Variants in FBXO36 observed in about 807,000 individuals in gnomAD.
The protein encoded by FBXO36 is F-box only protein 36.
Under a neutral mutation model 17.0 loss-of-function variants are expected in FBXO36, and 18 were observed. The observed-to-expected ratio is 1.06, with a 90% confidence interval of 0.73 to 1.57. The LOEUF (loss-of-function observed/expected upper bound fraction) is 1.57, where lower values mean the gene tolerates loss of function less well. FBXO36 is among the 40% of genes most tolerant of loss of function. The probability of loss-of-function intolerance (pLI) is 0.00; values close to 1 mark genes in which losing one functional copy is unlikely to be tolerated. For synonymous variants in FBXO36, 83 were observed against 85.3 expected (o/e 0.97, Z 0.15); for missense variants, 229 against 221.9 (o/e 1.03, Z -0.20).
At chr2:229,941,454 CA>C (rs900428508) in intron 1 of FBXO36, among the ~76,000 whole-genome samples, 1 of 149,904 alleles carries the variant, frequency 6.7e-6, no homozygotes. Flanking sequence ...GACTCCGTCT[CA>C]AAAAAAACAA....
At chr2:230,001,921 G>T (rs763645345) in intron 3 of FBXO36, among the ~76,000 whole-genome samples, 1 of 152,114 alleles carries the variant, frequency 6.6e-6, no homozygotes, top group African/African-American at 2.4e-5. Flanking sequence ...AGGTTCAAGC[G>T]ATTCTCATGC....
At chr2:229,951,986 T>A (rs754190760) in intron 1 of FBXO36, among the ~76,000 whole-genome samples, 1 of 152,148 alleles carries the variant, frequency 6.6e-6, no homozygotes, top group Non-Finnish European at 1.5e-5. Flanking sequence ...GGCTATAACT[T>A]GGTGAAAAAA....
intron 3 of FBXO36, among the ~76,000 whole-genome samples, chr2:230,003,164 C>G (rs564062682): frequency 1.4e-5 from 2 of 144,150 alleles, no homozygotes; most frequent in Non-Finnish European, 3.0e-5. Flanking sequence ...GACCCAAGAT[C>G]GGGCCACCGC....
At chr2:229,965,895 G>GT (rs1313428909) in intron 1 of FBXO36, among the ~76,000 whole-genome samples, 2 of 152,298 alleles carry the variant, frequency 1.3e-5, no homozygotes, top group East Asian at 3.9e-4. Context: ...TATATACCCA[G>GT]TAATGGGATG....
intron 2 of FBXO36, among the ~76,000 whole-genome samples, chr2:229,988,523 T>G (rs2077280674): frequency 6.6e-6 from 1 of 152,090 alleles, no homozygotes; most frequent in Admixed American, 6.6e-5. Context: ...TGTTTTGTTT[T>G]GTTTTTGTTT....
chr2:229,945,463 C>T lies in FBXO36; in HGVS notation c.96+22854C>T, dbSNP rs528239778. On this transcript the variant is annotated intron_variant, in intron 1 of 3. Coordinates refer to ENST00000283946, the MANE Select transcript of FBXO36 (RefSeq NM_174899.5). The stretch of plus-strand genomic sequence containing the variant: ...CTGGGAGTACAGGTGCCCGCCACCA[C>T]GCCTGGCTAATTTTTGTATTTTTGA... Among the ~76,000 whole-genome samples the T allele has an allele frequency of 5.3e-5, 8 of 152,096 alleles. No individual in the cohort carries two copies. The South Asian group carries it at 1.7e-3, about 32-fold the overall frequency.
chr2:229,976,226 T>C lies in FBXO36; in HGVS notation c.97-15T>C, dbSNP rs199634244. 36 of 1,560,990 alleles carry C rather than the reference T, an allele frequency of 2.3e-5. No homozygotes were observed. Among genetic ancestry groups the C allele is most frequent in the African/African-American group, 5.5e-5 (4 of 72,786 alleles). Reference sequence around the variant, plus strand: ...AAATCAATTTTAATTCATATCACTTTGTATTTAATTATAGGTAATCTTTAG... The same window carrying C: ...AAATCAATTTTAATTCATATCACTTCGTATTTAATTATAGGTAATCTTTAG... On this transcript the variant is annotated splice_polypyrimidine_tract_variant and intron_variant, in intron 1 of 3. Coordinates refer to ENST00000283946, the MANE Select transcript of FBXO36 (RefSeq NM_174899.5).
rs759193158 is a variant in FBXO36, at chr2:229,922,646, C to T, written c.96+37C>T. 206 of 1,604,210 alleles carry T rather than the reference C, an allele frequency of 1.3e-4. No individual in the cohort carries two copies. In the Admixed American group the frequency reaches 1.5e-3, roughly 12 times the overall value. ...CCGCGGTTTACCCTCTCTCCTAACT[C>T]CCTACCTGGCCCGGTTGGGGCCCGG... On this transcript the variant is annotated intron_variant, in intron 1 of 3. Coordinates refer to ENST00000283946, the MANE Select transcript of FBXO36 (RefSeq NM_174899.5).
intron 1 of FBXO36, among the ~76,000 whole-genome samples, chr2:229,960,503 G>A (rs1162875970): frequency 1.3e-5 from 2 of 151,426 alleles, no homozygotes; most frequent in South Asian, 2.1e-4. Flanking sequence ...GGGGGGCGGT[G>A]GTGTTGGGAT....
At position 229,961,116 on chromosome 2, in the gene FBXO36, A is replaced by C. The variant is rs572956737; in HGVS notation, c.97-15125A>C. 1.2e-4 allele frequency among the ~76,000 whole-genome samples: 18 copies of C among 152,234 alleles called. 1 individual carries two copies. In the South Asian group the frequency reaches 2.9e-3, roughly 25 times the overall value. Reference sequence around the variant, plus strand: ...AGAGCGAGACTCCATCTCAAAAAAAAAAAATAAATTTATTCCTTTTAGATG... The same window carrying C: ...AGAGCGAGACTCCATCTCAAAAAAACAAAATAAATTTATTCCTTTTAGATG... On this transcript the variant is annotated intron_variant, in intron 1 of 3. Coordinates refer to ENST00000283946, the MANE Select transcript of FBXO36 (RefSeq NM_174899.5).
chr2:229,952,106 G>A (rs961846579), intron 1 of FBXO36, among the ~76,000 whole-genome samples: 17 of 151,518 alleles, frequency 1.1e-4, no homozygotes, highest in African/African-American at 3.9e-4. Flanking sequence ...TTTTTTTTAG[G>A]CATTGCTTTA....
At chr2:230,008,697 T>A (rs2077400012) in intron 3 of FBXO36, among the ~76,000 whole-genome samples, 1 of 152,188 alleles carries the variant, frequency 6.6e-6, no homozygotes, top group Non-Finnish European at 1.5e-5. Context: ...GGGATAGTAA[T>A]CCACATTGGT....
intron 3 of FBXO36, among the ~76,000 whole-genome samples, chr2:230,002,039 C>T (rs563114158): frequency 4.0e-4 from 61 of 151,866 alleles, no homozygotes; most frequent in African/African-American, 1.3e-3. Context: ...GGTTTTACCA[C>T]GTTGGCCAGG....
chr2:229,960,323 A>AG (rs1214671841), intron 1 of FBXO36, among the ~76,000 whole-genome samples: 1 of 152,000 alleles, frequency 6.6e-6, no homozygotes, highest in African/African-American at 2.4e-5. Flanking sequence ...GACTACATAC[A>AG]GGCCCACGGC....
intron 1 of FBXO36, among the ~76,000 whole-genome samples, chr2:229,966,196 C>T (rs1249966068): frequency 6.6e-6 from 1 of 152,194 alleles, no homozygotes; most frequent in East Asian, 1.9e-4. Context: ...AGTGTCTGTT[C>T]ATATCCTTCG....
chr2:229,974,042 C>G (rs2077195046), intron 1 of FBXO36, among the ~76,000 whole-genome samples: 1 of 152,012 alleles, frequency 6.6e-6, no homozygotes, highest in South Asian at 2.1e-4. Context: ...AGAACAAGAC[C>G]CCGTTTCAAA....
At chr2:229,942,859 T>C (rs568039602) in intron 1 of FBXO36, 1 of 152,350 alleles carries the variant, frequency 6.6e-6, no homozygotes, top group South Asian at 2.1e-4. Context: ...TGCCCATCCT[T>C]GGATCATGTG....
intron 2 of FBXO36, among the ~76,000 whole-genome samples, chr2:229,977,680 C>T (rs1235405142): frequency 6.6e-6 from 1 of 151,996 alleles, no homozygotes; most frequent in Non-Finnish European, 1.5e-5. Flanking sequence ...GAACTCCTGA[C>T]CTCAGGTGAT....
chr2:229,955,115 G>A (rs1011754393), intron 1 of FBXO36, among the ~76,000 whole-genome samples: 14 of 152,164 alleles, frequency 9.2e-5, no homozygotes, highest in African/African-American at 3.4e-4. Flanking sequence ...GCCTCCCAAA[G>A]TGTTGGGATT....
Sources: gnomAD v4.1 joint callset for allele counts (sites outside exome capture counted in the v4.1 genomes callset) on GRCh38, gnomAD v4.1.1 for gene constraint, MANE v1.5 for transcripts, NCBI Gene and HGNC (gene_info 2026-07-23, HGNC 2026-07-21) for gene names.